The following RUNDC1 variants were observed in gnomAD, a reference collection of about 807,000 sequenced individuals.
RUNDC1 encodes the protein RUN domain containing 1.
RUNDC1 carries 31 observed loss-of-function variants against 49.3 expected under a neutral mutation model. That is an observed-to-expected ratio of 0.63 (90% CI 0.47 to 0.85). The LOEUF (loss-of-function observed/expected upper bound fraction) is 0.85, where lower values mean the gene tolerates loss of function less well. RUNDC1 is among the 40% of genes least tolerant of loss of function. RUNDC1 has a pLI of 0.00. For missense variants in RUNDC1, 715 were observed against 806.7 expected, an observed-to-expected ratio of 0.89 and a Z score of 1.38; for synonymous variants, 347 against 348.6, an observed-to-expected ratio of 1.00 and a Z score of 0.05.
rs1347972929 is a variant in RUNDC1, at chr17:42,994,531, G to C, written c.*2815G>C. The stretch of plus-strand genomic sequence containing the variant: ...TTGTATCATGTTGTTTCTAGATTTT[G>C]GTTTCTCTTTCTCCTTTATCCACCA... On this transcript the variant is annotated 3_prime_UTR_variant, in exon 5 of 5. Transcript: ENST00000361677. 6.6e-6 allele frequency among the ~76,000 whole-genome samples: 1 copy of C among 152,070 alleles called. No homozygotes were observed. The highest frequency in any genetic ancestry group is 1.5e-5 in the Non-Finnish European group (1 of 67,998).
In RUNDC1 at chr17:42,980,773, G is replaced by C. The variant is rs2050066256; in HGVS notation, c.197G>C (p.Gly66Ala). ...GAAGAGGCGACGGCCGAGGAGCCTGGCGCGGCCCCGGGCTCCCCGCCGGAT... is the reference window on the plus strand; with the variant it reads ...GAAGAGGCGACGGCCGAGGAGCCTGCCGCGGCCCCGGGCTCCCCGCCGGAT... ...FLEEATAEEP[G>A]AAPGSPPDSP... is the part of the protein sequence containing the mutation. The change falls in exon 1 of 5, where the codon GGC (glycine) becomes GCC (alanine). Residue 66 changes from glycine (G) to alanine (A), a missense_variant. Gly to Ala is a moderately conservative substitution (Grantham distance 60, BLOSUM62 0). Around this residue, in one of 5 missense-constraint regions of RUNDC1, gnomAD observed 153 missense variants for 139.4 expected, o/e 1.10. Transcript: ENST00000361677. The C allele has an allele frequency of 6.8e-7, 1 of 1,475,848 alleles. No individual in the cohort carries two copies. Among genetic ancestry groups the C allele is most frequent in the Admixed American group, 2.4e-5 (1 of 41,084 alleles). The allele number at this position is 1,475,848 out of a possible 1,614,324, so 91.4% of individuals were successfully genotyped here.
rs1381206396 is a variant in RUNDC1 at position 42,980,885 on chromosome 17, G to A, written c.309G>A (p.Gln103=). 3.3e-6 allele frequency: 5 copies of A among 1,507,686 alleles called. No individual in the cohort carries two copies. The South Asian group carries it at 3.7e-5, about 11-fold the overall frequency. The allele number at this position is 1,507,686 out of a possible 1,614,324, so 93.4% of individuals were successfully genotyped here. ...TGGCGCTGTCCTCGCACTTCGCGCA[G>A]GTGCAGTTCCGCCTGCGCCAGGTGG... ...ALLALSSHFA[Q]VQFRLRQVVR... The change falls in exon 1 of 5, where the codon CAG becomes CAA. Residue 103 remains glutamine (Q), a synonymous_variant. Transcript: ENST00000361677.
Position 42,991,164 on chromosome 17 carries a change from A to C in RUNDC1, c.1290A>C (p.Leu430=). The part of the protein sequence containing the change: ...DELTMAVRKE[L]TVAVRDLLAH... ...TGACTATGGCTGTGCGGAAGGAGCT[A>C]ACGGTGGCTGTGAGGGACCTGCTGG... is the stretch of plus-strand genomic sequence containing the variant. Residue 430 remains leucine (L), a synonymous_variant, in exon 5 of 5, where the codon CTA becomes CTC. Coordinates refer to ENST00000361677, the MANE Select transcript of RUNDC1 (RefSeq NM_173079.5). 1 of 1,614,232 alleles carries C rather than the reference A, an allele frequency of 6.2e-7. No homozygotes were observed. The highest frequency in any genetic ancestry group is 1.1e-5 in the South Asian group (1 of 91,088).
At position 42,980,656 on chromosome 17, in the gene RUNDC1, A is replaced by T. The variant is rs2050062406; in HGVS notation, c.80A>T (p.Glu27Val). 6.3e-7 allele frequency: 1 copy of T among 1,594,390 alleles called. No individual in the cohort carries two copies. The highest frequency in any genetic ancestry group is 1.1e-5 in the South Asian group (1 of 88,474). ...VGPKAKDEEE[E>V]EEEPLPPCEA... The stretch of plus-strand genomic sequence containing the variant: ...CCAAAGGCGAAAGACGAAGAGGAGG[A>T]GGAAGAGGAGCCGCTGCCACCGTGC... The change falls in exon 1 of 5, where the codon GAG becomes GTG. Residue 27 changes from glutamate to valine, a missense_variant. Glu to Val is a moderately radical substitution (Grantham distance 121, BLOSUM62 -2). Around this residue, in one of 5 missense-constraint regions of RUNDC1, gnomAD observed 153 missense variants for 139.4 expected, o/e 1.10. Transcript: ENST00000361677.
chr17:42,989,032 T>C (rs2050205204), intron 2 of RUNDC1, among the ~76,000 whole-genome samples: 1 of 152,150 alleles, frequency 6.6e-6, no homozygotes, highest in Admixed American at 6.6e-5. Flanking sequence ...ATATAAGGCT[T>C]GTTGGATCAT....
intron 1 of RUNDC1, among the ~76,000 whole-genome samples, chr17:42,984,972 T>TCCAA (rs1014298510): frequency 7.7e-6 from 1 of 130,536 alleles, no homozygotes; most frequent in Non-Finnish European, 1.6e-5. Context: ...CTTGGCTCAC[T>TCCAA]CCAACCTCCG....
chr17:42,991,738 C>A lies in RUNDC1; in HGVS notation c.*22C>A. The A allele has an allele frequency of 6.3e-7, 1 of 1,593,004 alleles. No individual in the cohort carries two copies. The highest frequency in any genetic ancestry group is 8.5e-7 in the Non-Finnish European group (1 of 1,170,302). ...TTGATGAGAGTGCCCTAACCCCAGA[C>A]AAGCTCCTTGTTCAGTAGGGATAGA... On this transcript the variant is annotated 3_prime_UTR_variant, in exon 5 of 5. Coordinates refer to ENST00000361677, the MANE Select transcript of RUNDC1 (RefSeq NM_173079.5).
Position 42,991,902 on chromosome 17 carries a change from G to C in RUNDC1, c.*186G>C, listed in dbSNP as rs1165050146. ...ACTTAGCTCTCGGAAAGATGTGCTG[G>C]AGGGACCCTCTTGTTAAGAAGGTTC... On this transcript the variant is annotated 3_prime_UTR_variant, in exon 5 of 5. Coordinates refer to ENST00000361677, the MANE Select transcript of RUNDC1 (RefSeq NM_173079.5). 3.1e-6 allele frequency: 2 copies of C among 639,950 alleles called. No individual in the cohort carries two copies. Among genetic ancestry groups the C allele is most frequent in the African/African-American group, 1.8e-5 (1 of 54,616 alleles). The allele number at this position is 639,950 out of a possible 1,614,324, so 39.6% of individuals were successfully genotyped here.
intron 1 of RUNDC1, among the ~76,000 whole-genome samples, chr17:42,983,694 CAG>C (rs2050132853): frequency 6.7e-6 from 1 of 149,976 alleles, no homozygotes; most frequent in Non-Finnish European, 1.5e-5. Flanking sequence ...TTTCTTGAGA[CAG>C]AGTCTCACTC....
chr17:42,990,427 A>G lies in RUNDC1; in HGVS notation c.967A>G (p.Asn323Asp), dbSNP rs1244176530. 2 of 1,613,740 alleles carry G rather than the reference A, an allele frequency of 1.2e-6. No individual in the cohort carries two copies. The highest frequency in any genetic ancestry group is 1.3e-5 in the African/African-American group (1 of 74,930). Residue 323 changes from asparagine to aspartate, a missense_variant, in exon 4 of 5, where the codon AAC (asparagine) becomes GAC (aspartate). This residue lies in a region of RUNDC1 where 425 missense variants were observed against 499.7 expected (regional missense o/e 0.85). Transcript: ENST00000361677. Reference sequence around the variant, plus strand: ...AGGCAGCAGCAGAACGCCTCCAGGAAACAGCAAAAGTAAGTGCAGTTTCCA... The same window carrying G: ...AGGCAGCAGCAGAACGCCTCCAGGAGACAGCAAAAGTAAGTGCAGTTTCCA... ...RTGSSRTPPG[N>D]SKTKAEDVKK... is the part of the protein sequence containing the mutation.
chr17:42,983,906 G>A (rs759256468), intron 1 of RUNDC1, among the ~76,000 whole-genome samples: 1 of 151,082 alleles, frequency 6.6e-6, no homozygotes, highest in Non-Finnish European at 1.5e-5. Context: ...TCCTGGCCTC[G>A]AACGCCTGAC....
intron 1 of RUNDC1, chr17:42,981,440 G>T (rs916474697): frequency 1.7e-5 from 4 of 231,978 alleles, no homozygotes; most frequent in Non-Finnish European, 3.4e-5. Flanking sequence ...GGCTGCTAGA[G>T]GACCCCGACT....
intron 2 of RUNDC1, among the ~76,000 whole-genome samples, chr17:42,988,156 T>C (rs2050193999): frequency 6.6e-6 from 1 of 152,114 alleles, no homozygotes; most frequent in African/African-American, 2.4e-5. Flanking sequence ...GGTAGACAGG[T>C]AAATCTCTTG....
At chr17:42,981,144 G>A in intron 1 of RUNDC1, 70 bp downstream of exon 1, 1 of 1,470,878 alleles carries the variant, frequency 6.8e-7, no homozygotes, top group African/African-American at 1.4e-5. Context: ...ATCCAGACCC[G>A]GATGATGGTG....
intron 3 of RUNDC1, 91 bp from the exon 4 acceptor site, chr17:42,990,226 T>C: frequency 6.6e-7 from 1 of 1,513,478 alleles, no homozygotes; most frequent in East Asian, 2.3e-5. Context: ...GAAATTCTTG[T>C]TTCTAATAGG....
chr17:42,983,315 A>G (rs2050127962), intron 1 of RUNDC1, among the ~76,000 whole-genome samples: 1 of 150,372 alleles, frequency 6.7e-6, no homozygotes, highest in South Asian at 2.1e-4. Flanking sequence ...GGACCAGAGT[A>G]GGGAATATCA....
Position 42,993,668 on chromosome 17 carries a change from G to C in RUNDC1, c.*1952G>C, listed in dbSNP as rs1202068513. On this transcript the variant is annotated 3_prime_UTR_variant, in exon 5 of 5. Transcript: ENST00000361677. ...GGGCCTTATCAGCCCATCTGATCCA[G>C]ATCAATATTTTTTTGAAAACTGCCT... 1 of 152,144 alleles carries C rather than the reference G, an allele frequency of 6.6e-6. No individual in the cohort carries two copies. Among genetic ancestry groups the C allele is most frequent in the African/African-American group, 2.4e-5 (1 of 41,424 alleles). 9.4% of individuals were successfully genotyped at this position (152,144 alleles called of 1,614,324 possible). A position where few individuals can be genotyped will look rare whatever the true frequency, so the allele number is the denominator to read the frequency against.
Position 42,980,778 on chromosome 17 carries a change from G to A in RUNDC1, c.202G>A (p.Ala68Thr), listed in dbSNP as rs28584166. ...EEATAEEPGA[A>T]PGSPPDSPGR... Reference sequence around the variant, plus strand: ...GGCGACGGCCGAGGAGCCTGGCGCGGCCCCGGGCTCCCCGCCGGATTCGCC... The same window carrying A: ...GGCGACGGCCGAGGAGCCTGGCGCGACCCCGGGCTCCCCGCCGGATTCGCC... Residue 68 changes from alanine (A) to threonine (T), a missense_variant, in exon 1 of 5, where the codon GCC becomes ACC. By Grantham distance (58) the Ala-to-Thr change is moderately conservative (BLOSUM62 0). Transcript: ENST00000361677. 8.7e-3 allele frequency: 12,474 copies of A among 1,439,182 alleles called. 925 individuals are homozygous for A. The African/African-American group carries it at 0.16, about 19-fold the overall frequency. 89.2% of individuals were successfully genotyped at this position (1,439,182 alleles called of 1,614,324 possible). A position where few individuals can be genotyped will look rare whatever the true frequency, so the allele number is the denominator to read the frequency against.
chr17:42,984,288 T>TG (rs2050141173), intron 1 of RUNDC1, among the ~76,000 whole-genome samples: 1 of 150,530 alleles, frequency 6.6e-6, no homozygotes, highest in African/African-American at 2.4e-5. Context: ...CAGTTTTTTT[T>TG]TTTTTTTTTT....
Sources: gnomAD v4.1 joint callset for allele counts (sites outside exome capture counted in the v4.1 genomes callset) on GRCh38, gnomAD v4.1.1 for gene constraint, gnomAD v4.1.1 regional missense constraint, MANE v1.5 for transcripts, NCBI Gene and HGNC (gene_info 2026-07-23, HGNC 2026-07-21) for gene names.